CLMP: variants seen among roughly 807,000 people sequenced by gnomAD.
The protein encoded by CLMP is CXADR like cell adhesion molecule, also known as CXADR-like membrane protein.
A neutral mutation model predicts 45.2 loss-of-function variants in CLMP; 27 were observed. The ratio of observed to expected loss-of-function variants is 0.60; its 90% CI spans 0.44 to 0.82. The LOEUF is 0.82. Among genes scored for constraint, CLMP ranks in the 40% least tolerant of loss-of-function variants. CLMP has a pLI of 0.00. For missense variants in CLMP, 403 were observed against 448.4 expected (o/e 0.90, Z 0.91); for synonymous variants, 167 against 171.4 (o/e 0.97, Z 0.20).
chr11:123,138,125 G>A (rs1861104381), intron 1 of CLMP, among the ~76,000 whole-genome samples: 1 of 152,102 alleles, frequency 6.6e-6, no homozygotes. Flanking sequence ...CCTCGGATGA[G>A]ACAGCAAGGA....
At chr11:123,103,186 C>T (rs1201239311) in intron 1 of CLMP, among the ~76,000 whole-genome samples, 3 of 152,104 alleles carry the variant, frequency 2.0e-5, no homozygotes, top group Non-Finnish European at 4.4e-5. Context: ...CACTGGTTTG[C>T]ACTGTACTAA....
intron 1 of CLMP, among the ~76,000 whole-genome samples, chr11:123,155,168 T>A (rs1336257719): frequency 1.3e-5 from 2 of 152,164 alleles, no homozygotes; most frequent in East Asian, 3.9e-4. Flanking sequence ...TTAAAATTTG[T>A]TTTGTAGAGA....
At chr11:123,119,344 A>G (rs1001928958) in intron 1 of CLMP, among the ~76,000 whole-genome samples, 4 of 151,862 alleles carry the variant, frequency 2.6e-5, no homozygotes, top group African/African-American at 9.7e-5. Context: ...CGGCCTCCCA[A>G]AGTGCTGGGA....
At chr11:123,136,305 G>A in intron 1 of CLMP, 2 of 637,342 alleles carry the variant, frequency 3.1e-6, no homozygotes, top group Admixed American at 1.9e-5. Context: ...TGGTGTCTTC[G>A]CGCATACTCA....
At chr11:123,144,104 G>A (rs1861203979) in intron 1 of CLMP, among the ~76,000 whole-genome samples, 1 of 152,126 alleles carries the variant, frequency 6.6e-6, no homozygotes, top group Admixed American at 6.5e-5. Context: ...AAGAGCCACT[G>A]CACCTGACAG....
Position 123,082,887 on chromosome 11 carries a change from G to T in CLMP, c.679+198C>A, listed in dbSNP as rs537815779. Among the ~76,000 whole-genome samples the T allele has an allele frequency of 5.9e-5, 9 of 152,256 alleles. No individual in the cohort carries two copies. The East Asian group carries it at 1.7e-3, about 29-fold the overall frequency. ...CTCCCAAAGTGCTGGGATTACAGGT[G>T]TGAGCCACTGTGCCTGGCCAGTCAA... On this transcript the variant is annotated intron_variant, in intron 5 of 6. Transcript: ENST00000448775.
intron 2 of CLMP, among the ~76,000 whole-genome samples, chr11:123,095,346 G>A (rs1283014060): frequency 6.6e-6 from 1 of 151,836 alleles, no homozygotes; most frequent in African/African-American, 2.4e-5. Context: ...AGGCTGGAGT[G>A]CAATGGCTCG....
intron 1 of CLMP, among the ~76,000 whole-genome samples, chr11:123,132,619 C>A (rs575689444): frequency 6.6e-6 from 1 of 152,000 alleles, no homozygotes; most frequent in Non-Finnish European, 1.5e-5. Context: ...CCACCACACC[C>A]AGCTAATTTT....
At chr11:123,089,776 CAAAAAA>C (rs556690828) in intron 2 of CLMP, among the ~76,000 whole-genome samples, 1 of 79,378 alleles carries the variant, frequency 1.3e-5, no homozygotes, top group Non-Finnish European at 2.5e-5. Flanking sequence ...GTCTCCATCT[CAAAAAA>C]AAAAAAAAAA....
intron 2 of CLMP, among the ~76,000 whole-genome samples, chr11:123,094,391 G>A (rs1367567356): frequency 6.6e-6 from 1 of 152,040 alleles, no homozygotes; most frequent in Non-Finnish European, 1.5e-5. Flanking sequence ...ACAGGCATGA[G>A]CCACTGTGCC....
intron 4 of CLMP, 34 bp downstream of exon 4, chr11:123,083,646 G>T (rs781521091): frequency 1.9e-6 from 3 of 1,609,316 alleles, no homozygotes; most frequent in Non-Finnish European, 1.7e-6. Flanking sequence ...GGACTATTTT[G>T]TTGGCTCAAT....
At chr11:123,105,445 T>C (rs11218986) in intron 1 of CLMP, among the ~76,000 whole-genome samples, 3,020 of 151,052 alleles carry the variant, frequency 0.02, 93 homozygotes, top group East Asian at 0.17. Context: ...CTTTCTTTTT[T>C]TTTGAGATGG....
rs1351087054 is a variant in CLMP, at chr11:123,070,130, A to G, written c.*3344T>C. On this transcript the variant is annotated 3_prime_UTR_variant, in exon 7 of 7. Transcript: ENST00000448775. ...TTTCACAAATTTAAGTTTGGTTTAT[A>G]TATTTTATTGACATGGTTACTCAAT... 1 of 152,228 alleles carries G rather than the reference A, an allele frequency of 6.6e-6. No homozygotes were observed. Among genetic ancestry groups the G allele is most frequent in the Non-Finnish European group, 1.5e-5 (1 of 68,034 alleles). The allele number at this position is 152,228 out of a possible 1,614,324, so 9.4% of individuals were successfully genotyped here. A position where few individuals can be genotyped will look rare whatever the true frequency, so the allele number is the denominator to read the frequency against.
chr11:123,135,471 T>C (rs1235393415), intron 1 of CLMP, among the ~76,000 whole-genome samples: 1 of 152,160 alleles, frequency 6.6e-6, no homozygotes, highest in Non-Finnish European at 1.5e-5. Context: ...CTGTCATAGA[T>C]ATTTCAGGAG....
intron 1 of CLMP, among the ~76,000 whole-genome samples, chr11:123,166,813 G>A (rs778963410): frequency 1.3e-5 from 2 of 152,188 alleles, no homozygotes; most frequent in Admixed American, 6.5e-5. Flanking sequence ...AATGATACAT[G>A]TTTGGGGTGA....
At chr11:123,115,663 T>C (rs1303012096) in intron 1 of CLMP, among the ~76,000 whole-genome samples, 1 of 152,052 alleles carries the variant, frequency 6.6e-6, no homozygotes, top group Admixed American at 6.6e-5. Context: ...TAAGGGAACA[T>C]GGTGGGGCCT....
At chr11:123,189,244 C>T (rs1211482226) in intron 1 of CLMP, among the ~76,000 whole-genome samples, 1 of 152,200 alleles carries the variant, frequency 6.6e-6, no homozygotes, top group Non-Finnish European at 1.5e-5. Flanking sequence ...CAGCCTGATC[C>T]ACTCTTCTCA....
intron 1 of CLMP, among the ~76,000 whole-genome samples, chr11:123,104,128 C>CTTTTT (rs1241735527): frequency 5.5e-5 from 4 of 72,394 alleles, no homozygotes; most frequent in Non-Finnish European, 1.0e-4. Flanking sequence ...CCATGCCTGG[C>CTTTTT]TTTTTTTTTT....
At chr11:123,121,300 G>GTTTTA (rs1020063718) in intron 1 of CLMP, among the ~76,000 whole-genome samples, 2 of 151,686 alleles carry the variant, frequency 1.3e-5, no homozygotes, top group African/African-American at 4.8e-5. Flanking sequence ...GTTTTGTTTT[G>GTTTTA]TTTTGTTTTG....
Sources: allele counts gnomAD v4.1 joint callset (sites outside exome capture counted in the v4.1 genomes callset), GRCh38; gene constraint gnomAD v4.1.1; transcripts MANE v1.5; gene names NCBI Gene and HGNC (gene_info 2026-07-23, HGNC 2026-07-21).